Variants in LAMP5 observed in about 807,000 individuals in gnomAD.
LAMP5 encodes lysosome-associated membrane glycoprotein 5.
Under a neutral mutation model 30.2 loss-of-function variants are expected in LAMP5, and 36 were observed. The ratio of observed to expected loss-of-function variants is 1.19; its 90% confidence interval spans 0.91 to 1.57. The LOEUF (loss-of-function observed/expected upper bound fraction) is 1.57. LAMP5 is among the 40% of genes most tolerant of loss of function. The pLI is 0.00. For missense variants in LAMP5, 377 were observed against 354.9 expected, an observed-to-expected ratio of 1.06 and a Z score of -0.50; for synonymous variants, 149 against 134.6, an observed-to-expected ratio of 1.11 and a Z score of -0.74.
At chr20:9,515,253 T>A (rs1274335417) in intron 1 of LAMP5, among the ~76,000 whole-genome samples, 200 bp from the exon 2 acceptor site, 1 of 152,052 alleles carries the variant, frequency 6.6e-6, no homozygotes, top group Non-Finnish European at 1.5e-5. Flanking sequence ...TTAATTTTTT[T>A]AACTGTATTT....
chr20:9,519,296 C>CA (rs2122835284), intron 5 of LAMP5, among the ~76,000 whole-genome samples: 1 of 152,258 alleles, frequency 6.6e-6, no homozygotes, highest in African/African-American at 2.4e-5. Flanking sequence ...ACAACAATGC[C>CA]AATGTTCAGG....
rs145449086 is a variant in LAMP5 at position 9,527,526 on chromosome 20, T to C, written c.665-2116T>C. Among the ~76,000 whole-genome samples, 39 of 152,290 alleles carry C rather than the reference T, an allele frequency of 2.6e-4. No individual in the cohort carries two copies. In the East Asian group the frequency reaches 6.4e-3, roughly 25 times the overall value. On this transcript the variant is annotated intron_variant, in intron 5 of 5. Transcript: ENST00000246070. Reference sequence around the variant, plus strand: ...TCAGGCAAGGTGAGAGAAGGGACTATGTCAATAGGGATTCTGGAGGAGACT... The same window carrying C: ...TCAGGCAAGGTGAGAGAAGGGACTACGTCAATAGGGATTCTGGAGGAGACT...
intron 5 of LAMP5, among the ~76,000 whole-genome samples, chr20:9,519,299 T>A (rs1380956397): frequency 6.6e-6 from 1 of 152,220 alleles, no homozygotes; most frequent in African/African-American, 2.4e-5. Context: ...ACAATGCCAA[T>A]GTTCAGGATA....
At chr20:9,519,772 A>G (rs528222662) in intron 5 of LAMP5, among the ~76,000 whole-genome samples, 18 of 152,292 alleles carry the variant, frequency 1.2e-4, no homozygotes, top group Non-Finnish European at 2.2e-4. Context: ...GGTACTCTTA[A>G]TAGTTTATGA....
intron 5 of LAMP5, among the ~76,000 whole-genome samples, chr20:9,524,595 T>TAAAAAAAAAAAAAAAAAAA (rs748114210): frequency 4.9e-5 from 4 of 82,222 alleles, no homozygotes; most frequent in Admixed American, 1.5e-4. Flanking sequence ...CAGATCGAAC[T>TAAAAAAAAAAAAAAAAAAA]AAAAAAAAAA....
rs775288519 is a variant in LAMP5, at chr20:9,529,640, A to C, written c.665-2A>C. ...CTCTGCTTTTCTTCTTTCCCATTGC[A>C]GAGCATAAATGCCCAGTGGATGAGC... On this transcript the variant is annotated splice_acceptor_variant, in intron 5 of 5. Coordinates refer to ENST00000246070, the MANE Select transcript of LAMP5 (RefSeq NM_012261.4). LOFTEE classifies it high-confidence loss of function. 6.2e-7 allele frequency: 1 copy of C among 1,613,198 alleles called. No individual in the cohort carries two copies. The highest frequency in any genetic ancestry group is 1.1e-5 in the South Asian group (1 of 90,972).
In LAMP5 at chr20:9,529,969, A is replaced by G. The variant is rs1387690397; in HGVS notation, c.*149A>G. On this transcript the variant is annotated 3_prime_UTR_variant, in exon 6 of 6. Coordinates refer to ENST00000246070, the MANE Select transcript of LAMP5 (RefSeq NM_012261.4). Reference sequence around the variant, plus strand: ...TCTGAGGCTTGCTTGGCTTGTGTCCATGCTTAAACCCACGGAAGGGGGAGA... The same window carrying G: ...TCTGAGGCTTGCTTGGCTTGTGTCCGTGCTTAAACCCACGGAAGGGGGAGA... 1 of 718,356 alleles carries G rather than the reference A, an allele frequency of 1.4e-6. No individual in the cohort carries two copies. Among genetic ancestry groups the G allele is most frequent in the Non-Finnish European group, 2.2e-6 (1 of 451,598 alleles). The allele number at this position is 718,356 out of a possible 1,614,324, so 44.5% of individuals were successfully genotyped here.
chr20:9,528,417 T>G (rs1350843133), intron 5 of LAMP5, among the ~76,000 whole-genome samples: 1 of 152,074 alleles, frequency 6.6e-6, no homozygotes, highest in East Asian at 1.9e-4. Context: ...TAATATTCAA[T>G]AGCAGAGTAG....
chr20:9,514,758 G>A lies in LAMP5; in HGVS notation c.-95G>A, dbSNP rs1323214866. On this transcript the variant is annotated 5_prime_UTR_variant, in exon 1 of 6. Coordinates refer to ENST00000246070, the MANE Select transcript of LAMP5 (RefSeq NM_012261.4). ...CCCCCTTCTCTGTCCCCCGCCTCTC[G>A]CTCACCCCGGCCCACTCCAGCGGCG... 2 of 1,098,060 alleles carry A rather than the reference G, an allele frequency of 1.8e-6. No homozygotes were observed. The highest frequency in any genetic ancestry group is 1.3e-5 in the South Asian group (1 of 74,398). The allele number at this position is 1,098,060 out of a possible 1,614,324, so 68.0% of individuals were successfully genotyped here.
chr20:9,514,934 G>A lies in LAMP5; in HGVS notation c.64+18G>A, dbSNP rs767232006. 6.2e-7 allele frequency: 1 copy of A among 1,611,852 alleles called. No individual in the cohort carries two copies. The highest frequency in any genetic ancestry group is 1.7e-5 in the Admixed American group (1 of 59,990). ...GTTGTTCCGTGAGTAGCGATTTGGC[G>A]ACTGGGAGAGAGGACGGGCACTCTT... On this transcript the variant is annotated intron_variant, in intron 1 of 5. Transcript: ENST00000246070.
At chr20:9,526,141 A>G (rs908073542) in intron 5 of LAMP5, among the ~76,000 whole-genome samples, 2 of 152,214 alleles carry the variant, frequency 1.3e-5, no homozygotes, top group Admixed American at 6.5e-5. Flanking sequence ...CATAGATGAG[A>G]GTCTGAAGGT....
intron 5 of LAMP5, among the ~76,000 whole-genome samples, chr20:9,529,406 C>T (rs2045134925): frequency 6.6e-6 from 1 of 152,176 alleles, no homozygotes; most frequent in Admixed American, 6.5e-5. Context: ...TTGTTGACAT[C>T]TGCCAGGAAT....
chr20:9,529,632 C>T lies in LAMP5; in HGVS notation c.665-10C>T. On this transcript the variant is annotated splice_polypyrimidine_tract_variant and intron_variant, in intron 5 of 5. Transcript: ENST00000246070. ...CCAGAGCTCTCTGCTTTTCTTCTTT[C>T]CCATTGCAGAGCATAAATGCCCAGT... 1 of 1,610,716 alleles carries T rather than the reference C, an allele frequency of 6.2e-7. No homozygotes were observed. The highest frequency in any genetic ancestry group is 8.5e-7 in the Non-Finnish European group (1 of 1,177,556).
intron 2 of LAMP5, 79 bp from the exon 3 acceptor site, chr20:9,515,921 A>G: frequency 7.1e-7 from 1 of 1,406,256 alleles, no homozygotes; most frequent in Non-Finnish European, 9.3e-7. Context: ...TGCAACCCAG[A>G]GTTTGGACGC....
intron 5 of LAMP5, among the ~76,000 whole-genome samples, chr20:9,525,275 A>G (rs1211708341): frequency 6.6e-6 from 1 of 152,186 alleles, no homozygotes; most frequent in Admixed American, 6.5e-5. Context: ...TCCCATATTT[A>G]AAAGAAGTAC....
intron 2 of LAMP5, 50 bp from the exon 3 acceptor site, chr20:9,515,950 C>A (rs1387432083): frequency 1.4e-6 from 2 of 1,448,764 alleles, no homozygotes; most frequent in Non-Finnish European, 1.8e-6. Context: ...TTACAGCCCC[C>A]GCCCCGGGGC....
In LAMP5 at chr20:9,519,697, T is replaced by C. The variant is rs142896670; in HGVS notation, c.664+1469T>C. ...GACAAGGAATTTATTATGAAAATAA[T>C]TGGACTATGTAATGTCAGTTCCTAG... is the stretch of plus-strand genomic sequence containing the variant. On this transcript the variant is annotated intron_variant, in intron 5 of 5. Coordinates refer to ENST00000246070, the MANE Select transcript of LAMP5 (RefSeq NM_012261.4). Among the ~76,000 whole-genome samples, 27 of 152,356 alleles carry C rather than the reference T, an allele frequency of 1.8e-4. No individual in the cohort carries two copies. In the East Asian group the frequency reaches 3.5e-3, roughly 20 times the overall value.
Position 9,515,604 on chromosome 20 carries a change from G to C in LAMP5, c.216G>C (p.Val72=), listed in dbSNP as rs759091647. 6.2e-7 allele frequency: 1 copy of C among 1,613,998 alleles called. No individual in the cohort carries two copies. The highest frequency in any genetic ancestry group is 1.7e-5 in the Admixed American group (1 of 59,996). ...CCAAATTTATTGTACCTTATGATGT[G>C]TGGGCCAGCAACTACGTAGATGTAA... The part of the protein sequence containing the change: ...FAAKFIVPYD[V]WASNYVDLIT... Residue 72 remains valine, a synonymous_variant, in exon 2 of 6, where the codon GTG becomes GTC. Coordinates refer to ENST00000246070, the MANE Select transcript of LAMP5 (RefSeq NM_012261.4).
At position 9,529,989 on chromosome 20, in the gene LAMP5, G is replaced by C; in HGVS notation, c.*169G>C. 4 of 574,670 alleles carry C rather than the reference G, an allele frequency of 7.0e-6. No homozygotes were observed. The South Asian group carries it at 1.3e-4, about 18-fold the overall frequency. 35.6% of individuals were successfully genotyped at this position (574,670 alleles called of 1,614,324 possible). On this transcript the variant is annotated 3_prime_UTR_variant, in exon 6 of 6. Coordinates refer to ENST00000246070, the MANE Select transcript of LAMP5 (RefSeq NM_012261.4). Reference sequence around the variant, plus strand: ...TGTCCATGCTTAAACCCACGGAAGGGGGAGACTCTTTCGGATTTGTAGGGT... The same window carrying C: ...TGTCCATGCTTAAACCCACGGAAGGCGGAGACTCTTTCGGATTTGTAGGGT...
Sources: allele counts gnomAD v4.1 joint callset (sites outside exome capture counted in the v4.1 genomes callset), GRCh38; gene constraint gnomAD v4.1.1; transcripts MANE v1.5; gene names NCBI Gene and HGNC (gene_info 2026-07-23, HGNC 2026-07-21).